CNTN6: variants seen among roughly 807,000 people sequenced by gnomAD.
The protein encoded by CNTN6 is contactin 6.
CNTN6 carries 137 observed loss-of-function variants against 122.8 expected under a neutral mutation model. The ratio of observed to expected loss-of-function variants is 1.12; its 90% CI spans 0.97 to 1.29. The LOEUF (loss-of-function observed/expected upper bound fraction) is 1.29, where lower values mean the gene tolerates loss of function less well. Among genes scored for constraint, CNTN6 ranks in the 50% most tolerant of loss-of-function variants. The probability of loss-of-function intolerance (pLI) is 0.00; values close to 1 mark genes in which losing one functional copy is unlikely to be tolerated. For missense variants in CNTN6, 1,634 were observed against 1,223.4 expected (o/e 1.34, Z -5.01); for synonymous variants, 570 against 426.0 (o/e 1.34, Z -4.16).
chr3:1,227,684 G>A lies in CNTN6; in HGVS notation c.183-134G>A, dbSNP rs994792032. ...AAGACAGCTACCTTTGGTAAAACTG[G>A]TAGGATTACCTCCACATGTAATCAT... On this transcript the variant is annotated intron_variant, in intron 3 of 22. Coordinates refer to ENST00000446702, the MANE Select transcript of CNTN6 (RefSeq NM_001289080.2). 5.6e-6 allele frequency: 5 copies of A among 892,548 alleles called. No individual in the cohort carries two copies. In the African/African-American group the frequency reaches 6.8e-5, roughly 12 times the overall value. 55.3% of individuals were successfully genotyped at this position (892,548 alleles called of 1,614,324 possible). A position where few individuals can be genotyped will look rare whatever the true frequency, so the allele number is the denominator to read the frequency against.
chr3:1,321,433 A>T (rs551788846), intron 7 of CNTN6, among the ~76,000 whole-genome samples: 1 of 151,916 alleles, frequency 6.6e-6, no homozygotes, highest in Admixed American at 6.6e-5. Flanking sequence ...TTCCCTGAAC[A>T]TAGCACAGTG....
At chr3:1,247,176 A>G (rs1174799550) in intron 4 of CNTN6, among the ~76,000 whole-genome samples, 1 of 151,684 alleles carries the variant, frequency 6.6e-6, no homozygotes, top group Non-Finnish European at 1.5e-5. Flanking sequence ...TTATTTATTT[A>G]TTCATTTATT....
rs535693357 is a variant in CNTN6, at chr3:1,125,238, T to C, written c.-82-22689T>C. Reference sequence around the variant, plus strand: ...CCTAATTGACTAAAACTATATCTGATTTTTTAAAAATTCTCAAATGTTTGA... The same window carrying C: ...CCTAATTGACTAAAACTATATCTGACTTTTTAAAAATTCTCAAATGTTTGA... On this transcript the variant is annotated intron_variant, in intron 1 of 22. Transcript: ENST00000446702. 2.0e-5 allele frequency among the ~76,000 whole-genome samples: 3 copies of C among 152,082 alleles called. No individual in the cohort carries two copies. In the East Asian group the frequency reaches 5.8e-4, roughly 29 times the overall value.
rs189721941 is a variant in CNTN6 at position 1,192,444 on chromosome 3, C to T, written c.56-28243C>T. Among the ~76,000 whole-genome samples the T allele has an allele frequency of 3.2e-4, 48 of 152,156 alleles. 1 individual carries two copies. Among genetic ancestry groups the T allele is most frequent in the Non-Finnish European group, 5.9e-4 (40 of 68,014 alleles). ...ATTCTGGTTGCAGGAAACTGGAGCCCACATGGACCATACTATACATTATTT... is the reference window on the plus strand; with the variant it reads ...ATTCTGGTTGCAGGAAACTGGAGCCTACATGGACCATACTATACATTATTT... On this transcript the variant is annotated intron_variant, in intron 2 of 22. Coordinates refer to ENST00000446702, the MANE Select transcript of CNTN6 (RefSeq NM_001289080.2).
intron 11 of CNTN6, among the ~76,000 whole-genome samples, chr3:1,345,401 C>A (rs550672662): frequency 2.0e-5 from 3 of 152,082 alleles, no homozygotes; most frequent in Non-Finnish European, 4.4e-5. Context: ...CAGGCATGAA[C>A]CACCATGCCC....
chr3:1,314,609 A>G (rs1400261340), intron 7 of CNTN6, among the ~76,000 whole-genome samples: 1 of 152,046 alleles, frequency 6.6e-6, no homozygotes, highest in Non-Finnish European at 1.5e-5. Flanking sequence ...ACTCGAAATC[A>G]GGATGAACTA....
chr3:1,278,391 C>A (rs752017324), intron 4 of CNTN6, 22 bp from the exon 5 acceptor site: 4 of 1,469,362 alleles, frequency 2.7e-6, no homozygotes, highest in Non-Finnish European at 2.8e-6. Context: ...AATTATAAAT[C>A]TGCTTTTCTT....
chr3:1,133,715 C>T (rs1467172564), intron 1 of CNTN6, among the ~76,000 whole-genome samples: 1 of 152,114 alleles, frequency 6.6e-6, no homozygotes, highest in African/African-American at 2.4e-5. Flanking sequence ...GAGCTCAGGG[C>T]CATGCAAGAT....
At chr3:1,140,362 G>C (rs374872947) in intron 1 of CNTN6, among the ~76,000 whole-genome samples, 2 of 152,104 alleles carry the variant, frequency 1.3e-5, no homozygotes, top group Admixed American at 6.6e-5. Context: ...CACATAGTAG[G>C]GGGGGACCCT....
Position 1,099,264 on chromosome 3 carries a change from A to G in CNTN6, c.-83+6144A>G, listed in dbSNP as rs553044894. ...CAGGAGATCGAGACCATCCTGGCTA[A>G]CACGGTGAAACCCCGTCTCTACCAA... is the stretch of plus-strand genomic sequence containing the variant. On this transcript the variant is annotated intron_variant, in intron 1 of 22. Coordinates refer to ENST00000446702, the MANE Select transcript of CNTN6 (RefSeq NM_001289080.2). 3.9e-5 allele frequency among the ~76,000 whole-genome samples: 6 copies of G among 152,166 alleles called. No homozygotes were observed. The South Asian group carries it at 8.3e-4, about 21-fold the overall frequency.
chr3:1,114,384 T>C (rs2091620426), intron 1 of CNTN6, among the ~76,000 whole-genome samples: 1 of 152,210 alleles, frequency 6.6e-6, no homozygotes, highest in Non-Finnish European at 1.5e-5. Context: ...AGTTTCTGTG[T>C]GTGGCAGAAA....
chr3:1,103,336 G>A (rs376634748), intron 1 of CNTN6, among the ~76,000 whole-genome samples: 236 of 152,280 alleles, frequency 1.5e-3, no homozygotes, highest in African/African-American at 5.4e-3. Flanking sequence ...AGTATATGCT[G>A]AAAATGGTTC....
intron 4 of CNTN6, among the ~76,000 whole-genome samples, chr3:1,239,442 A>C (rs962680465): frequency 3.9e-5 from 6 of 151,990 alleles, no homozygotes; most frequent in East Asian, 3.9e-4. Flanking sequence ...CAAACAAACA[A>C]ACACTTAGGA....
chr3:1,222,393 G>T (rs1034123247), intron 3 of CNTN6, among the ~76,000 whole-genome samples: 2 of 152,104 alleles, frequency 1.3e-5, no homozygotes, highest in African/African-American at 4.8e-5. Context: ...GATCCTAGGG[G>T]TTAGTAGAGA....
chr3:1,204,635 T>G lies in CNTN6; in HGVS notation c.56-16052T>G, dbSNP rs576697821. ...TCCATAGTTTTATTTCAGTTCCCAG[T>G]TTATCTCAAGCTTGGCCTTTATGTC... On this transcript the variant is annotated intron_variant, in intron 2 of 22. Coordinates refer to ENST00000446702, the MANE Select transcript of CNTN6 (RefSeq NM_001289080.2). Among the ~76,000 whole-genome samples the G allele has an allele frequency of 2.6e-5, 4 of 152,208 alleles. 1 individual carries two copies. The highest frequency in any genetic ancestry group is 5.9e-5 in the Non-Finnish European group (4 of 68,040).
chr3:1,348,914 A>AG (rs1705191141), intron 11 of CNTN6, among the ~76,000 whole-genome samples: 1 of 152,054 alleles, frequency 6.6e-6, no homozygotes, highest in Non-Finnish European at 1.5e-5. Flanking sequence ...CCAGCTCCCT[A>AG]TAATATGTCA....
chr3:1,228,073 T>A, intron 4 of CNTN6, 80 bp downstream of exon 4: 1 of 1,353,020 alleles, frequency 7.4e-7, no homozygotes, highest in Non-Finnish European at 1.0e-6. Flanking sequence ...AAAATCTAGC[T>A]TTGCCAATGA....
chr3:1,094,767 T>C (rs1349619148), intron 1 of CNTN6, among the ~76,000 whole-genome samples: 1 of 152,168 alleles, frequency 6.6e-6, no homozygotes, highest in African/African-American at 2.4e-5. Context: ...TTCTGGGTTT[T>C]TTTTTTAGTA....
chr3:1,253,666 C>T lies in CNTN6; in HGVS notation c.359-24747C>T, dbSNP rs116224551. 2.4e-3 allele frequency among the ~76,000 whole-genome samples: 362 copies of T among 152,240 alleles called. 1 individual carries two copies. The highest frequency in any genetic ancestry group is 0.014 in the Middle Eastern group (4 of 294). On this transcript the variant is annotated intron_variant, in intron 4 of 22. Transcript: ENST00000446702. ...TTAGATTCTCATAAGGAGTGCACAA[C>T]CTAGATCCCTCGTATGCGCAGTTCA...
Sources: allele counts gnomAD v4.1 joint callset (sites outside exome capture counted in the v4.1 genomes callset), GRCh38; gene constraint gnomAD v4.1.1; transcripts MANE v1.5; gene names NCBI Gene and HGNC (gene_info 2026-07-23, HGNC 2026-07-21).